Variants in TULP4 observed in about 807,000 individuals in gnomAD.
TULP4 encodes tubby-related protein 4.
Under a neutral mutation model 129.0 loss-of-function variants are expected in TULP4, and 16 were observed. The observed-to-expected ratio is 0.12, with a 90% CI of 0.08 to 0.19. The LOEUF (loss-of-function observed/expected upper bound fraction) is 0.19, where lower values mean the gene tolerates loss of function less well. Among genes scored for constraint, TULP4 ranks in the 10% least tolerant of loss-of-function variants. The pLI is 1.00. For missense variants in TULP4, 1,842 were observed against 2,059.1 expected (o/e 0.89, Z 2.04); for synonymous variants, 998 against 854.0 (o/e 1.17, Z -2.94).
chr6:158,232,322 A>G (rs2128438745), intron 1 of TULP4: 1 of 147,356 alleles, frequency 6.8e-6, no homozygotes, highest in South Asian at 1.9e-4. Flanking sequence ...GCGCGGGGCC[A>G]CTGTCGCCGC....
intron 1 of TULP4, among the ~76,000 whole-genome samples, chr6:158,232,516 C>G (rs1777615506): frequency 6.6e-6 from 1 of 151,296 alleles, no homozygotes; most frequent in African/African-American, 2.4e-5. Flanking sequence ...GACCCGGGCC[C>G]GGCGGCCGTG....
intron 1 of TULP4, among the ~76,000 whole-genome samples, chr6:158,340,536 A>G (rs796155540): frequency 5.9e-5 from 9 of 152,192 alleles, no homozygotes; most frequent in African/African-American, 2.2e-4. Flanking sequence ...TACTGCTCCC[A>G]AACCAGGCCC....
At chr6:158,403,961 C>G (rs1368092526) in intron 1 of TULP4, among the ~76,000 whole-genome samples, 1 of 152,178 alleles carries the variant, frequency 6.6e-6, no homozygotes, top group Non-Finnish European at 1.5e-5. Flanking sequence ...CACCTAACCT[C>G]CCTAAGTCTC....
intron 1 of TULP4, among the ~76,000 whole-genome samples, chr6:158,232,748 G>A (rs1236368403): frequency 1.3e-5 from 2 of 151,764 alleles, no homozygotes; most frequent in African/African-American, 4.8e-5. Context: ...CTTCCTCCCC[G>A]GCGTCGGGCC....
intron 1 of TULP4, among the ~76,000 whole-genome samples, chr6:158,275,168 T>G (rs780787265): frequency 1.3e-5 from 2 of 152,250 alleles, no homozygotes; most frequent in African/African-American, 2.4e-5. Flanking sequence ...TGTATAGTTC[T>G]GCCACTGTCT....
chr6:158,244,825 CTATT>C (rs1288981477), intron 1 of TULP4, among the ~76,000 whole-genome samples: 1 of 151,758 alleles, frequency 6.6e-6, no homozygotes, highest in Non-Finnish European at 1.5e-5. Context: ...GACTTTGTCT[CTATT>C]TATTTATTTT....
chr6:158,371,483 T>C (rs1777067261), intron 1 of TULP4, among the ~76,000 whole-genome samples: 1 of 152,210 alleles, frequency 6.6e-6, no homozygotes, highest in Admixed American at 6.5e-5. Context: ...TTAGTATTAT[T>C]TGATCATTAA....
chr6:158,242,605 G>T, intron 1 of TULP4: 1 of 710,898 alleles, frequency 1.4e-6, no homozygotes, highest in Non-Finnish European at 2.6e-6. Flanking sequence ...TTGGCTAACA[G>T]TTTGGTGCAA....
intron 1 of TULP4, among the ~76,000 whole-genome samples, chr6:158,402,164 C>T (rs1777865961): frequency 6.6e-6 from 1 of 152,198 alleles, no homozygotes; most frequent in Non-Finnish European, 1.5e-5. Flanking sequence ...AAAAACAAAA[C>T]ATTGCCTAAA....
chr6:158,423,712 C>T (rs1778408146), intron 2 of TULP4, among the ~76,000 whole-genome samples: 1 of 152,112 alleles, frequency 6.6e-6, no homozygotes, highest in African/African-American at 2.4e-5. Flanking sequence ...GCAATCTTGA[C>T]TCACTGCAAG....
intron 1 of TULP4, among the ~76,000 whole-genome samples, chr6:158,262,688 G>C (rs981685837): frequency 6.6e-6 from 1 of 152,180 alleles, no homozygotes; most frequent in African/African-American, 2.4e-5. Flanking sequence ...AAGAAGGCTG[G>C]AGGGTGGTGT....
At chr6:158,237,870 A>G in intron 1 of TULP4, 1 of 746,922 alleles carries the variant, frequency 1.3e-6, no homozygotes, top group Admixed American at 1.7e-5. Flanking sequence ...CAAGTGAGTA[A>G]GCAGAAATAA....
intron 5 of TULP4, among the ~76,000 whole-genome samples, chr6:158,454,164 T>C (rs1779239416): frequency 6.6e-6 from 1 of 152,204 alleles, no homozygotes; most frequent in African/African-American, 2.4e-5. Context: ...CTGAGGGACA[T>C]GAATGACGTT....
intron 6 of TULP4, among the ~76,000 whole-genome samples, chr6:158,473,171 A>T (rs566433518): frequency 4.6e-5 from 7 of 152,240 alleles, no homozygotes; most frequent in Admixed American, 3.3e-4. Context: ...AAGAGATTGC[A>T]TGTGTGATTG....
chr6:158,422,211 AAAATAGACAGATGTCTTGCAAAAC>A (rs1778360371), intron 2 of TULP4, among the ~76,000 whole-genome samples: 1 of 152,232 alleles, frequency 6.6e-6, no homozygotes, highest in African/African-American at 2.4e-5. Flanking sequence ...ACAAATCAAC[AAAATAGACAGATGTCTTGCAAAAC>A]TGATCAAGAG....
At position 158,337,653 on chromosome 6, in the gene TULP4, C is replaced by G. The variant is rs144268324; in HGVS notation, c.252+23385C>G. Among the ~76,000 whole-genome samples, 1,378 of 152,280 alleles carry G rather than the reference C, an allele frequency of 9.0e-3. 18 individuals are homozygous for G. Among genetic ancestry groups the G allele is most frequent in the African/African-American group, 0.032 (1,323 of 41,540 alleles). On this transcript the variant is annotated intron_variant, in intron 1 of 13. Transcript: ENST00000367097. ...TATTTTAAGGCACCAAAGCCAAGTC[C>G]CTGCACCCACAGTGTGCAAACAAAT...
At chr6:158,244,832 TTTA>T (rs1259326659) in intron 1 of TULP4, among the ~76,000 whole-genome samples, 1 of 152,004 alleles carries the variant, frequency 6.6e-6, no homozygotes, top group African/African-American at 2.4e-5. Flanking sequence ...TCTCTATTTA[TTTA>T]TTTTTTATTT....
At chr6:158,290,910 C>T (rs370562241) in intron 1 of TULP4, among the ~76,000 whole-genome samples, 13 of 152,178 alleles carry the variant, frequency 8.5e-5, no homozygotes, top group East Asian at 5.8e-4. Flanking sequence ...TGCTGCCTAC[C>T]GGATAGTGTC....
At chr6:158,307,625 GCA>G (rs1779240073), upstream of TULP4, among the ~76,000 whole-genome samples, 1 of 152,260 alleles carries the variant, frequency 6.6e-6, no homozygotes, top group East Asian at 1.9e-4. Flanking sequence ...GGGACTACGG[GCA>G]CCTGCCACCA....
Sources: gnomAD v4.1 joint callset for allele counts (sites outside exome capture counted in the v4.1 genomes callset) on GRCh38, gnomAD v4.1.1 for gene constraint, MANE v1.5 for transcripts, NCBI Gene and HGNC (gene_info 2026-07-23, HGNC 2026-07-21) for gene names.